Variants in AKAP1 observed in about 807,000 individuals in gnomAD.
AKAP1 encodes the protein A-kinase anchor protein 1, mitochondrial.
In AKAP1, 32 loss-of-function variants were observed where a neutral mutation model predicts 79.8. That is an observed-to-expected ratio of 0.40 (90% CI 0.30 to 0.54). The LOEUF (loss-of-function observed/expected upper bound fraction) is 0.54, where lower values mean the gene tolerates loss of function less well. Ranked by LOEUF, AKAP1 falls within the 20% of genes least tolerant of loss-of-function variation. AKAP1 has a pLI of 0.47. For synonymous variants in AKAP1, 416 were observed against 466.7 expected (o/e 0.89, Z 1.40); for missense variants, 961 against 1,138.9 (o/e 0.84, Z 2.25).
chr17:57,106,294 C>A lies in AKAP1; in HGVS notation c.830C>A (p.Thr277Lys), dbSNP rs776112376. The A allele has an allele frequency of 1.2e-6, 2 of 1,614,176 alleles. No homozygotes were observed. Among genetic ancestry groups the A allele is most frequent in the Non-Finnish European group, 1.7e-6 (2 of 1,180,034 alleles). The change falls in exon 2 of 11, where the codon ACA (threonine) becomes AAA (lysine). Residue 277 changes from threonine (T) to lysine (K), a missense_variant. Thr to Lys is a moderately conservative substitution (Grantham distance 78, BLOSUM62 -1). Transcript: ENST00000337714. ...AGTAGGTTCATCGAGTCGGCTCACA[C>A]AGAGCTGGCAAAGGACGATGCGGCG... ...LPSRFIESAH[T>K]ELAKDDAAPA... is the part of the protein sequence containing the mutation.
intron 5 of AKAP1, among the ~76,000 whole-genome samples, chr17:57,114,204 C>T (rs1451445418): frequency 6.6e-6 from 1 of 152,144 alleles, no homozygotes; most frequent in East Asian, 1.9e-4. Flanking sequence ...TCTGTGGGAC[C>T]CTCCCTGCCT....
rs141931190 is a variant in AKAP1, at chr17:57,106,070, C to T, written c.606C>T (p.Ala202=). ...SGERARETGG[A]EGTGDAVLGE... is the part of the protein sequence containing the mutation. ...AGAGGGCAAGAGAGACAGGTGGGGC[C>T]GAAGGGACTGGTGATGCCGTGTTGG... is the stretch of plus-strand genomic sequence containing the variant. Residue 202 remains alanine (A), a synonymous_variant, in exon 2 of 11, where the codon GCC becomes GCT. Coordinates refer to ENST00000337714, the MANE Select transcript of AKAP1 (RefSeq NM_003488.4). 189 of 1,608,810 alleles carry T rather than the reference C, an allele frequency of 1.2e-4. No homozygotes were observed. Among genetic ancestry groups the T allele is most frequent in the Admixed American group, 2.5e-4 (15 of 59,750 alleles).
Position 57,086,268 on chromosome 17 carries a change from G to GT in AKAP1, c.-25+872dup. On this transcript the variant is annotated intron_variant, in intron 1 of 10. Coordinates refer to ENST00000337714, the MANE Select transcript of AKAP1 (RefSeq NM_003488.4). The surrounding 1 kb of genome is among the most constrained non-coding windows in gnomAD (Gnocchi z 5.1). ...CTGGAGGGACCGCGCCAGTTTTGGG[G>GT]TTACGATGTGCTAGGAGAGGCAGTG... 2.8e-6 allele frequency: 1 copy of GT among 357,266 alleles called. No individual in the cohort carries two copies. The highest frequency in any genetic ancestry group is 2.0e-5 in the South Asian group (1 of 49,874). 22.1% of individuals were successfully genotyped at this position (357,266 alleles called of 1,614,324 possible). A position where few individuals can be genotyped will look rare whatever the true frequency, so the allele number is the denominator to read the frequency against.
In AKAP1 at chr17:57,105,544, C is replaced by G. The variant is rs1811178314; in HGVS notation, c.80C>G (p.Ser27Cys). The change falls in exon 2 of 11, where the codon TCT (serine) becomes TGT (cysteine). Residue 27 changes from serine (S) to cysteine (C), a missense_variant. Transcript: ENST00000337714. ...CTCCTCGGCTGGTGGTGGTTTTTCT[C>G]TCGTAAAAAAGGCCATGTCAGCAGC... ...LALLGWWWFF[S>C]RKKGHVSSHD... 1 of 1,614,038 alleles carries G rather than the reference C, an allele frequency of 6.2e-7. No individual in the cohort carries two copies. The highest frequency in any genetic ancestry group is 1.1e-5 in the South Asian group (1 of 91,074).
At chr17:57,111,617 CTG>C (rs886189757) in intron 3 of AKAP1, among the ~76,000 whole-genome samples, 179 bp from the exon 4 acceptor site, 1 of 152,170 alleles carries the variant, frequency 6.6e-6, no homozygotes, top group Admixed American at 6.5e-5. Flanking sequence ...ATAAAGTTAT[CTG>C]TGTTTCACAG....
At chr17:57,110,725 A>G (rs1915189501) in intron 3 of AKAP1, among the ~76,000 whole-genome samples, 1 of 152,284 alleles carries the variant, frequency 6.6e-6, no homozygotes. Flanking sequence ...TAATACTTTA[A>G]ATATTTAACA....
intron 1 of AKAP1, among the ~76,000 whole-genome samples, chr17:57,087,687 G>A (rs1404806550): frequency 1.3e-5 from 2 of 152,178 alleles, no homozygotes; most frequent in Non-Finnish European, 2.9e-5. Context: ...AATTACTTGA[G>A]TGACTTGAAT....
Position 57,106,561 on chromosome 17 carries a change from C to A in AKAP1, c.1097C>A (p.Thr366Asn), listed in dbSNP as rs770702496. ...ISEATEQVLA[T>N]TVGKVAGRVC... ...GAAGCAACCGAACAGGTGCTGGCCA[C>A]CACGGTTGGCAAGGTTGCAGGTCGT... The change falls in exon 2 of 11, where the codon ACC (threonine) becomes AAC (asparagine). Residue 366 changes from threonine to asparagine, a missense_variant. Coordinates refer to ENST00000337714, the MANE Select transcript of AKAP1 (RefSeq NM_003488.4). 4 of 1,614,218 alleles carry A rather than the reference C, an allele frequency of 2.5e-6. No individual in the cohort carries two copies. In the South Asian group the frequency reaches 4.4e-5, roughly 18 times the overall value.
intron 1 of AKAP1, 147 bp from the exon 2 acceptor site, chr17:57,105,294 C>A: frequency 1.3e-6 from 1 of 762,270 alleles, no homozygotes; most frequent in Non-Finnish European, 2.2e-6. Context: ...CTGGTACGAG[C>A]TGAGAGGTGT....
chr17:57,114,737 A>G, intron 6 of AKAP1, 101 bp downstream of exon 6: 1 of 1,261,510 alleles, frequency 7.9e-7, no homozygotes, highest in Non-Finnish European at 1.1e-6. Flanking sequence ...CCTTCATGGA[A>G]GCAGCATCCT....
chr17:57,105,627 A>G lies in AKAP1; in HGVS notation c.163A>G (p.Lys55Glu). 6.2e-7 allele frequency: 1 copy of G among 1,614,124 alleles called. No individual in the cohort carries two copies. The highest frequency in any genetic ancestry group is 8.5e-7 in the Non-Finnish European group (1 of 1,180,020). Residue 55 changes from lysine to glutamate, a missense_variant, in exon 2 of 11, where the codon AAG (lysine) becomes GAG (glutamate). By Grantham distance (56) the Lys-to-Glu change is moderately conservative. This residue lies in a region of AKAP1 where 108 missense variants were observed against 147.6 expected (regional missense o/e 0.73). Coordinates refer to ENST00000337714, the MANE Select transcript of AKAP1 (RefSeq NM_003488.4). Reference sequence around the variant, plus strand: ...GCAGCTGAGGGCTGACCCTGCCATCAAGGAACCTCTCCCCGTGGAAGACGT... The same window carrying G: ...GCAGCTGAGGGCTGACCCTGCCATCGAGGAACCTCTCCCCGTGGAAGACGT... ...AVQLRADPAI[K>E]EPLPVEDVCP...
intron 1 of AKAP1, among the ~76,000 whole-genome samples, chr17:57,097,704 T>C (rs1370409504): frequency 5.9e-5 from 9 of 152,236 alleles, no homozygotes; most frequent in African/African-American, 1.7e-4. Flanking sequence ...TTGGGCAGGC[T>C]CCTTCCTATT....
intron 10 of AKAP1, among the ~76,000 whole-genome samples, chr17:57,119,854 A>C: frequency 9.4e-5 from 1 of 10,610 alleles, no homozygotes; most frequent in African/African-American, 6.7e-4. Flanking sequence ...TTTTTTTGAG[A>C]CAGTCTTGCT....
intron 6 of AKAP1, 100 bp downstream of exon 6, chr17:57,114,736 A>G: frequency 2.4e-6 from 3 of 1,267,976 alleles, no homozygotes; most frequent in Non-Finnish European, 3.3e-6. Flanking sequence ...TCCTTCATGG[A>G]AGCAGCATCC....
chr17:57,089,314 C>T (rs1383512938), intron 1 of AKAP1, among the ~76,000 whole-genome samples: 1 of 152,138 alleles, frequency 6.6e-6, no homozygotes, highest in African/African-American at 2.4e-5. Flanking sequence ...ATCTCAAGTT[C>T]TTAGCTCTAA....
chr17:57,110,504 C>T (rs1273702626), intron 3 of AKAP1, among the ~76,000 whole-genome samples: 1 of 152,158 alleles, frequency 6.6e-6, no homozygotes, highest in African/African-American at 2.4e-5. Context: ...AGAATCCCTT[C>T]ACTGAGCTCT....
At chr17:57,104,216 TC>T (rs1914701517) in intron 1 of AKAP1, among the ~76,000 whole-genome samples, 1 of 152,168 alleles carries the variant, frequency 6.6e-6, no homozygotes, top group Non-Finnish European at 1.5e-5. Flanking sequence ...GAGCTCTGCT[TC>T]CCAAAGTGCT....
Position 57,118,333 on chromosome 17 carries a change from C to CT in AKAP1, c.2501-46dup, listed in dbSNP as rs780211734. On this transcript the variant is annotated intron_variant, in intron 8 of 10. Transcript: ENST00000337714. ...AAACTTGTGTACATGACAAGGGTGC[C>CT]TTGCCTCAGTGAGAGCCTAAATGCC... 6 of 1,578,524 alleles carry CT rather than the reference C, an allele frequency of 3.8e-6. No individual in the cohort carries two copies. The Admixed American group carries it at 1.0e-4, about 26-fold the overall frequency.
chr17:57,105,654 T>G lies in AKAP1; in HGVS notation c.190T>G (p.Cys64Gly). ...IKEPLPVEDVCPKVVSTPPSV... is the reference protein window; with the variant it reads ...IKEPLPVEDVGPKVVSTPPSV... The stretch of plus-strand genomic sequence containing the variant: ...GGAACCTCTCCCCGTGGAAGACGTC[T>G]GTCCCAAAGTAGTGTCCACACCCCC... Residue 64 changes from cysteine to glycine, a missense_variant, in exon 2 of 11, where the codon TGT (cysteine) becomes GGT (glycine). By Grantham distance (159) the Cys-to-Gly change is radical (BLOSUM62 -3). This residue lies in a region of AKAP1 where 108 missense variants were observed against 147.6 expected (regional missense o/e 0.73). Coordinates refer to ENST00000337714, the MANE Select transcript of AKAP1 (RefSeq NM_003488.4). The G allele has an allele frequency of 1.2e-6, 2 of 1,614,144 alleles. No individual in the cohort carries two copies. The highest frequency in any genetic ancestry group is 1.7e-6 in the Non-Finnish European group (2 of 1,180,020).
Sources: allele counts gnomAD v4.1 joint callset (sites outside exome capture counted in the v4.1 genomes callset), GRCh38; gene constraint gnomAD v4.1.1; regional missense constraint gnomAD v4.1.1; non-coding constraint Gnocchi (gnomAD v3.1); transcripts MANE v1.5; gene names NCBI Gene and HGNC (gene_info 2026-07-23, HGNC 2026-07-21).